BCAR3: variants seen among roughly 807,000 people sequenced by gnomAD.
The protein encoded by BCAR3 is breast cancer anti-estrogen resistance protein 3.
In BCAR3, 37 loss-of-function variants were observed where a neutral mutation model predicts 80.1. The observed-to-expected ratio is 0.46, with a 90% CI of 0.36 to 0.61. BCAR3 has a LOEUF of 0.61. Among genes scored for constraint, BCAR3 ranks in the 20% least tolerant of loss-of-function variants. The pLI is 0.00. For synonymous variants in BCAR3, 389 were observed against 418.9 expected (o/e 0.93, Z 0.87); for missense variants, 978 against 1,068.2 (o/e 0.92, Z 1.18).
At chr1:93,653,918 A>G (rs2101922731) in intron 2 of BCAR3, among the ~76,000 whole-genome samples, 1 of 152,314 alleles carries the variant, frequency 6.6e-6, no homozygotes, top group South Asian at 2.1e-4. Flanking sequence ...ACCTGAGCGC[A>G]GGCCACCATC....
At chr1:93,799,295 C>T (rs1221825677) in intron 2 of BCAR3, among the ~76,000 whole-genome samples, 1 of 152,184 alleles carries the variant, frequency 6.6e-6, no homozygotes, top group Non-Finnish European at 1.5e-5. Context: ...ATTTGGATGG[C>T]TCAAAGCAGG....
chr1:93,657,856 A>G (rs548763049), intron 2 of BCAR3, among the ~76,000 whole-genome samples: 1 of 152,072 alleles, frequency 6.6e-6, no homozygotes, highest in Non-Finnish European at 1.5e-5. Flanking sequence ...TCTGCCAAAA[A>G]CCTCAGCAAG....
At position 93,749,132 on chromosome 1, in the gene BCAR3, A is replaced by T. The variant is rs562091422; in HGVS notation, c.-62-42990T>A. 4.1e-4 allele frequency among the ~76,000 whole-genome samples: 61 copies of T among 148,854 alleles called. No homozygotes were observed. In the South Asian group the frequency reaches 7.0e-3, roughly 17 times the overall value. ...ATGGTATGTGTGTGGGCCCCCACAC[A>T]CACAAACAAATAATGGTGTGTGTGT... On this transcript the variant is annotated intron_variant, in intron 2 of 13. Coordinates refer to the BCAR3 transcript ENST00000370244.
intron 3 of BCAR3, among the ~76,000 whole-genome samples, chr1:93,619,920 GAATT>G (rs1675258955): frequency 6.6e-6 from 1 of 152,206 alleles, no homozygotes; most frequent in Non-Finnish European, 1.5e-5. Context: ...TGACTTTGGG[GAATT>G]AATTAACTTC....
chr1:93,811,368 T>G (rs1009044960), intron 2 of BCAR3, among the ~76,000 whole-genome samples: 1 of 152,228 alleles, frequency 6.6e-6, no homozygotes, highest in South Asian at 2.1e-4. Context: ...ATGGAATGCC[T>G]TCTAGGCTTT....
At chr1:93,740,621 C>T (rs1331006505) in intron 2 of BCAR3, among the ~76,000 whole-genome samples, 1 of 152,156 alleles carries the variant, frequency 6.6e-6, no homozygotes, top group African/African-American at 2.4e-5. Flanking sequence ...CCTCACCCCA[C>T]ATGCTGGCCC....
chr1:93,668,533 C>T (rs535982820), intron 2 of BCAR3, among the ~76,000 whole-genome samples: 1 of 152,088 alleles, frequency 6.6e-6, no homozygotes, highest in Non-Finnish European at 1.5e-5. Context: ...GTTCAAACAC[C>T]GAGGGGTATT....
chr1:93,658,518 G>A (rs1027005213), intron 2 of BCAR3, among the ~76,000 whole-genome samples: 1 of 152,022 alleles, frequency 6.6e-6, no homozygotes, highest in African/African-American at 2.4e-5. Flanking sequence ...TGGGCATGGT[G>A]GCACACTCCT....
chr1:93,713,884 C>A (rs763896099), intron 2 of BCAR3, among the ~76,000 whole-genome samples: 3 of 152,196 alleles, frequency 2.0e-5, no homozygotes, highest in Non-Finnish European at 4.4e-5. Flanking sequence ...CTTACTTATT[C>A]ATTCATTCAT....
At chr1:93,638,825 AT>A (rs1301680803) in intron 3 of BCAR3, among the ~76,000 whole-genome samples, 5 of 152,220 alleles carry the variant, frequency 3.3e-5, no homozygotes, top group Admixed American at 2.6e-4. Flanking sequence ...AAACCAAACT[AT>A]CAAGATGATC....
chr1:93,835,874 C>A (rs939063576), intron 2 of BCAR3, among the ~76,000 whole-genome samples: 1 of 152,172 alleles, frequency 6.6e-6, no homozygotes, highest in Non-Finnish European at 1.5e-5. Context: ...AGAAGGCCAC[C>A]GCGGTCATTT....
chr1:93,746,449 G>C (rs1651361044), intron 2 of BCAR3, among the ~76,000 whole-genome samples: 1 of 152,162 alleles, frequency 6.6e-6, no homozygotes, highest in Non-Finnish European at 1.5e-5. Context: ...AAGAAACAGA[G>C]CTTCATGGGT....
chr1:93,821,087 C>T (rs1197004469), intron 2 of BCAR3, among the ~76,000 whole-genome samples: 2 of 152,104 alleles, frequency 1.3e-5, no homozygotes, highest in African/African-American at 2.4e-5. Context: ...GGGCAGAGAC[C>T]AAATGTATTT....
intron 4 of BCAR3, among the ~76,000 whole-genome samples, chr1:93,590,810 C>A (rs965718683): frequency 1.3e-5 from 2 of 152,108 alleles, no homozygotes; most frequent in Non-Finnish European, 2.9e-5. Context: ...TAGAAACACC[C>A]TATGTGTCCA....
intron 3 of BCAR3, among the ~76,000 whole-genome samples, chr1:93,606,656 G>A (rs1674779261): frequency 6.6e-6 from 1 of 152,150 alleles, no homozygotes; most frequent in African/African-American, 2.4e-5. Context: ...AGGTTGACTG[G>A]AGAGCCTATC....
chr1:93,573,615 A>ATT (rs919862286), intron 8 of BCAR3, among the ~76,000 whole-genome samples: 2 of 129,800 alleles, frequency 1.5e-5, no homozygotes, highest in Admixed American at 7.6e-5. Context: ...TATTTTTATT[A>ATT]TTATTATTAT....
At chr1:93,604,247 C>A (rs1322365690) in intron 3 of BCAR3, among the ~76,000 whole-genome samples, 3 of 152,174 alleles carry the variant, frequency 2.0e-5, no homozygotes, top group African/African-American at 7.2e-5. Context: ...ATACAAGGGG[C>A]AATCAGACCC....
intron 8 of BCAR3, among the ~76,000 whole-genome samples, chr1:93,572,265 T>C (rs1329053733): frequency 6.6e-6 from 1 of 152,104 alleles, no homozygotes; most frequent in Non-Finnish European, 1.5e-5. Context: ...CTGAGCCCCC[T>C]GGATTTGGGG....
intron 2 of BCAR3, among the ~76,000 whole-genome samples, chr1:93,842,510 A>G (rs905077725): frequency 2.6e-5 from 4 of 152,120 alleles, no homozygotes; most frequent in African/African-American, 9.7e-5. Context: ...TCATCTCTGT[A>G]TGCCCCAAGG....
Sources: gnomAD v4.1 joint callset for allele counts (sites outside exome capture counted in the v4.1 genomes callset) on GRCh38, gnomAD v4.1.1 for gene constraint, MANE v1.5 for transcripts, NCBI Gene and HGNC (gene_info 2026-07-23, HGNC 2026-07-21) for gene names.